The following AGPAT5 variants were observed in gnomAD, a reference collection of about 807,000 sequenced individuals.
The protein encoded by AGPAT5 is 1-acyl-sn-glycerol-3-phosphate acyltransferase epsilon.
AGPAT5 carries 46 observed loss-of-function variants against 45.6 expected under a neutral mutation model. The ratio of observed to expected loss-of-function variants is 1.01; its 90% CI spans 0.80 to 1.29. AGPAT5 has a LOEUF of 1.29. Ranked by LOEUF, AGPAT5 falls within the 50% of genes most tolerant of loss-of-function variation. The pLI is 0.00. For synonymous variants in AGPAT5, 272 were observed against 167.0 expected (o/e 1.63, Z -4.85); for missense variants, 673 against 450.7 (o/e 1.49, Z -4.47).
At chr8:6,728,682 C>T (rs1030368501) in intron 2 of AGPAT5, among the ~76,000 whole-genome samples, 14 of 152,150 alleles carry the variant, frequency 9.2e-5, no homozygotes, top group African/African-American at 1.2e-4. Flanking sequence ...TAACTTTGTA[C>T]GCCAACTATA....
At chr8:6,732,796 C>G (rs1337577736) in intron 4 of AGPAT5, 146 bp downstream of exon 4, 6 of 736,926 alleles carry the variant, frequency 8.1e-6, no homozygotes, top group African/African-American at 7.3e-5. Context: ...CAGAAACCCT[C>G]TATGTACAGG....
At chr8:6,738,499 A>G (rs555697580) in intron 4 of AGPAT5, 1 of 152,354 alleles carries the variant, frequency 6.6e-6, no homozygotes, top group Admixed American at 6.5e-5. Context: ...AATAACAGAT[A>G]TAATAATATG....
At position 6,757,404 on chromosome 8, in the gene AGPAT5, C is replaced by T. The variant is rs755562315; in HGVS notation, c.*16C>T. 2.5e-6 allele frequency: 4 copies of T among 1,601,014 alleles called. No individual in the cohort carries two copies. The highest frequency in any genetic ancestry group is 1.7e-5 in the Admixed American group (1 of 59,964). On this transcript the variant is annotated 3_prime_UTR_variant, in exon 8 of 8. Coordinates refer to ENST00000285518, the MANE Select transcript of AGPAT5 (RefSeq NM_018361.5). ...TAAAGCATAGACAAGTAGCTGTCTC[C>T]AGACAGTGGGATGTGCTACATTGTC...
intron 4 of AGPAT5, among the ~76,000 whole-genome samples, chr8:6,733,617 C>T (rs950330778): frequency 1.3e-5 from 2 of 152,166 alleles, no homozygotes; most frequent in African/African-American, 4.8e-5. Context: ...TCTGTTTAGT[C>T]TGAAACAGTG....
At chr8:6,744,092 A>G (rs1046202165) in intron 5 of AGPAT5, among the ~76,000 whole-genome samples, 3 of 152,090 alleles carry the variant, frequency 2.0e-5, no homozygotes, top group East Asian at 1.9e-4. Context: ...CAAGCTAATA[A>G]TATTTTATAA....
At chr8:6,746,075 C>CTCTTTCTGT (rs59172826) in intron 5 of AGPAT5, 7 of 150,960 alleles carry the variant, frequency 4.6e-5, no homozygotes, top group African/African-American at 1.7e-4. Context: ...TTTCTTTCTG[C>CTCTTTCTGT]ATTCTTCTCC....
rs201289468 is a variant in AGPAT5 at position 6,732,544 on chromosome 8, C to T, written c.406-17C>T. 1,074 of 1,577,096 alleles carry T rather than the reference C, an allele frequency of 6.8e-4. 1 individual carries two copies. The Middle Eastern group carries it at 0.014, about 20-fold the overall frequency. ...TTTTAAAAGTAAATGCTCTTTCTCC[C>T]GATTTGATTGTGGCAGCATGGAGGA... On this transcript the variant is annotated splice_polypyrimidine_tract_variant and intron_variant, in intron 3 of 7. Coordinates refer to ENST00000285518, the MANE Select transcript of AGPAT5 (RefSeq NM_018361.5).
At chr8:6,752,796 G>A (rs1448581163) in intron 6 of AGPAT5, among the ~76,000 whole-genome samples, 1 of 152,094 alleles carries the variant, frequency 6.6e-6, no homozygotes, top group African/African-American at 2.4e-5. Flanking sequence ...TTGCAAATGT[G>A]GATATATAAG....
chr8:6,754,932 C>A, intron 6 of AGPAT5, 119 bp from the exon 7 acceptor site: 1 of 771,972 alleles, frequency 1.3e-6, no homozygotes, highest in Non-Finnish European at 1.9e-6. Flanking sequence ...CCTAAGGAAT[C>A]TGTACTTTTT....
rs1219272435 is a variant in AGPAT5 at position 6,760,830 on chromosome 8, G to A, written c.*3442G>A. 6.6e-6 allele frequency among the ~76,000 whole-genome samples: 1 copy of A among 152,138 alleles called. No homozygotes were observed. The highest frequency in any genetic ancestry group is 2.4e-5 in the African/African-American group (1 of 41,428). On this transcript the variant is annotated 3_prime_UTR_variant, in exon 8 of 8. Transcript: ENST00000285518. ...CATGCAATCATTAGAATCAAAATTAGTACTTTGGTCAAAATATTTACAACA... is the reference window on the plus strand; with the variant it reads ...CATGCAATCATTAGAATCAAAATTAATACTTTGGTCAAAATATTTACAACA...
Position 6,744,724 on chromosome 8 carries a change from G to A in AGPAT5, c.587-2946G>A, listed in dbSNP as rs148964896. 2.4e-3 allele frequency among the ~76,000 whole-genome samples: 364 copies of A among 152,308 alleles called. 1 individual carries two copies. The highest frequency in any genetic ancestry group is 4.0e-3 in the Non-Finnish European group (275 of 68,026). On this transcript the variant is annotated intron_variant, in intron 5 of 7. Coordinates refer to ENST00000285518, the MANE Select transcript of AGPAT5 (RefSeq NM_018361.5). ...TCCTCCTCACTCGCTCTAAACCTGT[G>A]TTTTTGGCTGATTTCTAATCTCTCT...
chr8:6,731,156 C>G (rs557097081), intron 3 of AGPAT5, among the ~76,000 whole-genome samples: 37 of 152,250 alleles, frequency 2.4e-4, no homozygotes, highest in African/African-American at 7.2e-4. Flanking sequence ...CTGCCATACC[C>G]AACCCTATAA....
chr8:6,711,528 T>G (rs1020611699), intron 1 of AGPAT5, among the ~76,000 whole-genome samples: 2 of 152,246 alleles, frequency 1.3e-5, no homozygotes, highest in African/African-American at 4.8e-5. Flanking sequence ...TTCACGTAAT[T>G]TGAGACTATT....
Position 6,741,630 on chromosome 8 carries a change from A to T in AGPAT5, c.496-31A>T. 3 of 1,529,962 alleles carry T rather than the reference A, an allele frequency of 2.0e-6. No homozygotes were observed. In the East Asian group the frequency reaches 7.0e-5, roughly 36 times the overall value. The allele number at this position is 1,529,962 out of a possible 1,614,324, so 94.8% of individuals were successfully genotyped here. Reference sequence around the variant, plus strand: ...CAATAACAAAAACAAAGCTCACACAAAATAAACCAAATTTGCTCTATGTCC... The same window carrying T: ...CAATAACAAAAACAAAGCTCACACATAATAAACCAAATTTGCTCTATGTCC... On this transcript the variant is annotated intron_variant, in intron 4 of 7. Coordinates refer to ENST00000285518, the MANE Select transcript of AGPAT5 (RefSeq NM_018361.5).
intron 4 of AGPAT5, among the ~76,000 whole-genome samples, chr8:6,739,925 C>G (rs528105772): frequency 6.6e-6 from 1 of 152,066 alleles, no homozygotes; most frequent in Non-Finnish European, 1.5e-5. Context: ...TCCTTCATCA[C>G]ACCTTGTTCT....
intron 5 of AGPAT5, among the ~76,000 whole-genome samples, chr8:6,747,150 A>G (rs541079052): frequency 2.6e-5 from 4 of 152,362 alleles, no homozygotes; most frequent in African/African-American, 9.6e-5. Context: ...TAATAGGTAA[A>G]CAAAATGTGA....
intron 1 of AGPAT5, among the ~76,000 whole-genome samples, chr8:6,712,749 A>G (rs776771959): frequency 6.6e-6 from 1 of 152,240 alleles, no homozygotes; most frequent in Non-Finnish European, 1.5e-5. Context: ...CTAGGAATCT[A>G]GATATATCCT....
chr8:6,722,488 A>G (rs1167779350), intron 1 of AGPAT5, among the ~76,000 whole-genome samples: 1 of 152,240 alleles, frequency 6.6e-6, no homozygotes, highest in African/African-American at 2.4e-5. Context: ...TTTTTAACAA[A>G]GAATGCTGTA....
chr8:6,727,163 T>C (rs1800715876), intron 2 of AGPAT5, among the ~76,000 whole-genome samples: 1 of 152,208 alleles, frequency 6.6e-6, no homozygotes. Flanking sequence ...CTTTCTAGTT[T>C]GTCTTCTGCC....
Sources: allele counts gnomAD v4.1 joint callset (sites outside exome capture counted in the v4.1 genomes callset), GRCh38; gene constraint gnomAD v4.1.1; transcripts MANE v1.5; gene names NCBI Gene and HGNC (gene_info 2026-07-23, HGNC 2026-07-21).